F13A1: variants seen among roughly 807,000 people sequenced by gnomAD.
The protein encoded by F13A1 is FSF, A subunit.
A neutral mutation model predicts 80.1 loss-of-function variants in F13A1; 47 were observed. That is an observed-to-expected ratio of 0.59 (90% CI 0.46 to 0.75). The LOEUF is 0.75. Ranked by LOEUF, F13A1 falls within the 30% of genes least tolerant of loss-of-function variation. The pLI is 0.00. For synonymous variants in F13A1, 349 were observed against 344.9 expected, an observed-to-expected ratio of 1.01 and a Z score of -0.13; for missense variants, 817 against 930.4, an observed-to-expected ratio of 0.88 and a Z score of 1.59.
intron 8 of F13A1, among the ~76,000 whole-genome samples, chr6:6,217,271 A>T (rs1397242856): frequency 6.6e-6 from 1 of 152,158 alleles, no homozygotes; most frequent in African/African-American, 2.4e-5. Context: ...AAGACTTGGA[A>T]CCAACCCAAA....
intron 12 of F13A1, among the ~76,000 whole-genome samples, chr6:6,169,010 C>A (rs756702627): frequency 1.6e-4 from 25 of 152,228 alleles, no homozygotes; most frequent in Admixed American, 7.2e-4. Flanking sequence ...CTGTGCCTTG[C>A]TTCCAGGACT....
rs768024997 is a variant in F13A1 at position 6,305,437 on chromosome 6, C to A, written c.233G>T (p.Arg78Leu). ...CTGCACATAGAAAGACTGCCCTCTG[C>A]GGACAATCAGCTTGTTGTTTTCATA... ...DKYENNKLIVRRGQSFYVQID... is the reference protein window; with the variant it reads ...DKYENNKLIVLRGQSFYVQID... The change falls in exon 3 of 15, where the codon CGC (arginine) becomes CTC (leucine). Residue 78 changes from arginine (R) to leucine (L), a missense_variant. By Grantham distance (102) the Arg-to-Leu change is moderately radical. Transcript: ENST00000264870. 6.2e-7 allele frequency: 1 copy of A among 1,614,206 alleles called. No individual in the cohort carries two copies. Among genetic ancestry groups the A allele is most frequent in the Non-Finnish European group, 8.5e-7 (1 of 1,180,024 alleles).
chr6:6,273,485 T>C (rs965694840), intron 3 of F13A1, among the ~76,000 whole-genome samples: 1 of 152,222 alleles, frequency 6.6e-6, no homozygotes, highest in Non-Finnish European at 1.5e-5. Flanking sequence ...TCCATTCTTA[T>C]ATAAACACAT....
intron 3 of F13A1, among the ~76,000 whole-genome samples, chr6:6,294,455 G>T (rs113266877): frequency 0.056 from 8,465 of 151,932 alleles, 610 homozygotes; most frequent in African/African-American, 0.17. Flanking sequence ...ACAGCCTATT[G>T]TGGGACCTTG....
chr6:6,168,331 A>G (rs1338680380), intron 12 of F13A1, among the ~76,000 whole-genome samples: 2 of 152,152 alleles, frequency 1.3e-5, no homozygotes, highest in Admixed American at 6.5e-5. Context: ...GAAGATGGAG[A>G]GTGGTCCTGG....
At chr6:6,240,501 T>C (rs1296108661) in intron 6 of F13A1, among the ~76,000 whole-genome samples, 1 of 152,104 alleles carries the variant, frequency 6.6e-6, no homozygotes, top group Non-Finnish European at 1.5e-5. Flanking sequence ...AATAGAACAT[T>C]GTGTGTGAAT....
Position 6,251,043 on chromosome 6 carries a change from A to T in F13A1, c.572-114T>A, listed in dbSNP as rs937329305. On this transcript the variant is annotated intron_variant, in intron 4 of 14. Transcript: ENST00000264870. ...ACTACATTTAATCAGCCAAATTTTTAAAAAATGCCCTTTGTTTCACCAAGC... is the reference window on the plus strand; with the variant it reads ...ACTACATTTAATCAGCCAAATTTTTTAAAAATGCCCTTTGTTTCACCAAGC... 17 of 796,688 alleles carry T rather than the reference A, an allele frequency of 2.1e-5. No homozygotes were observed. The Middle Eastern group carries it at 6.6e-4, about 31-fold the overall frequency. 49.4% of individuals were successfully genotyped at this position (796,688 alleles called of 1,614,324 possible).
intron 8 of F13A1, among the ~76,000 whole-genome samples, chr6:6,201,058 C>A (rs1761384418): frequency 6.6e-6 from 1 of 152,156 alleles, no homozygotes. Flanking sequence ...TCCTATACGA[C>A]CCGAAGTGTT....
intron 11 of F13A1, among the ~76,000 whole-genome samples, chr6:6,176,685 G>C (rs931375388): frequency 2.6e-5 from 4 of 152,212 alleles, no homozygotes; most frequent in African/African-American, 9.6e-5. Context: ...GGGAAGTGCA[G>C]TGAAATCTTT....
At chr6:6,248,539 T>G in intron 5 of F13A1, 120 bp from the exon 6 acceptor site, 1 of 751,998 alleles carries the variant, frequency 1.3e-6, no homozygotes, top group Non-Finnish European at 2.3e-6. Flanking sequence ...TCCTGTATAG[T>G]GATCTCCCAT....
intron 3 of F13A1, among the ~76,000 whole-genome samples, chr6:6,283,672 C>CTT (rs533647348): frequency 6.7e-6 from 1 of 149,192 alleles, no homozygotes; most frequent in African/African-American, 2.5e-5. Flanking sequence ...CATGTCCTTC[C>CTT]TTTTTTTTTT....
intron 10 of F13A1, among the ~76,000 whole-genome samples, chr6:6,194,138 A>G (rs1274824750): frequency 1.3e-5 from 2 of 152,104 alleles, no homozygotes; most frequent in African/African-American, 4.8e-5. Context: ...CCAGCCCTCT[A>G]GATGTTCCCC....
chr6:6,267,895 G>T (rs935024087), intron 3 of F13A1, among the ~76,000 whole-genome samples: 2 of 152,160 alleles, frequency 1.3e-5, no homozygotes, highest in African/African-American at 2.4e-5. Flanking sequence ...TTCCACTTTT[G>T]TTTTAAAAGC....
In F13A1 at chr6:6,275,361, T is replaced by TTTTTTA. The variant is rs1053256732; in HGVS notation, c.320-8553_320-8552insTAAAAA. Among the ~76,000 whole-genome samples the TTTTTTA allele has an allele frequency of 7.4e-4, 10 of 13,438 alleles. No homozygotes were observed. In the African/African-American group the frequency reaches 0.012, roughly 16 times the overall value. 8.8% of individuals were successfully genotyped at this position (13,438 alleles called of 152,430 possible). A position where few individuals can be genotyped will look rare whatever the true frequency, so the allele number is the denominator to read the frequency against. ...AAGGTGCCAGGCACCATTTTTTTTATTTTTTTTGTTTGTTTTGTTTTGTTT... is the reference window on the plus strand; with the variant it reads ...AAGGTGCCAGGCACCATTTTTTTTATTTTTTATTTTTTTGTTTGTTTTGTTTTGTTT... On this transcript the variant is annotated intron_variant, in intron 3 of 14. Coordinates refer to ENST00000264870, the MANE Select transcript of F13A1 (RefSeq NM_000129.4).
chr6:6,309,903 C>A (rs570096125), intron 2 of F13A1, among the ~76,000 whole-genome samples: 1 of 152,096 alleles, frequency 6.6e-6, no homozygotes, highest in Non-Finnish European at 1.5e-5. Flanking sequence ...ATAATGTGTC[C>A]CTGAAATGAG....
At chr6:6,259,549 A>G (rs932811120) in intron 4 of F13A1, among the ~76,000 whole-genome samples, 1 of 152,240 alleles carries the variant, frequency 6.6e-6, no homozygotes, top group African/African-American at 2.4e-5. Flanking sequence ...TAAGAGATAG[A>G]GAAATCCACA....
intron 10 of F13A1, among the ~76,000 whole-genome samples, chr6:6,185,729 A>G (rs575609479): frequency 6.6e-6 from 1 of 152,176 alleles, no homozygotes; most frequent in East Asian, 1.9e-4. Context: ...TCCTTTGGGT[A>G]TATACCCAGT....
At chr6:6,292,996 C>A (rs1758244906) in intron 3 of F13A1, among the ~76,000 whole-genome samples, 1 of 152,306 alleles carries the variant, frequency 6.6e-6, no homozygotes, top group African/African-American at 2.4e-5. Context: ...TTTTGTTTTC[C>A]TGATAAGTGG....
At chr6:6,187,500 C>T (rs367822025) in intron 10 of F13A1, among the ~76,000 whole-genome samples, 3 of 83,208 alleles carry the variant, frequency 3.6e-5, no homozygotes, top group East Asian at 3.0e-4. Context: ...TTGTCTTTGG[C>T]TCTGTTTATA....
Sources: gnomAD v4.1 joint callset for allele counts (sites outside exome capture counted in the v4.1 genomes callset) on GRCh38, gnomAD v4.1.1 for gene constraint, MANE v1.5 for transcripts, NCBI Gene and HGNC (gene_info 2026-07-23, HGNC 2026-07-21) for gene names.